B3GALT1: variants seen among roughly 807,000 people sequenced by gnomAD.
The protein encoded by B3GALT1 is UDP-Gal:betaGlcNAc beta 1,3-galactosyltransferase, polypeptide 1.
Under a neutral mutation model 23.2 loss-of-function variants are expected in B3GALT1, and 10 were observed. The observed-to-expected ratio is 0.43, with a 90% CI of 0.27 to 0.73. The LOEUF (loss-of-function observed/expected upper bound fraction) is 0.73, where lower values mean the gene tolerates loss of function less well. Among genes scored for constraint, B3GALT1 ranks in the 30% least tolerant of loss-of-function variants. The pLI, the probability that B3GALT1 is intolerant of heterozygous loss-of-function variation, is 0.21. For synonymous variants in B3GALT1, 156 were observed against 141.5 expected (o/e 1.10, Z -0.73); for missense variants, 299 against 405.4 (o/e 0.74, Z 2.25).
intron 2 of B3GALT1, among the ~76,000 whole-genome samples, chr2:167,523,157 C>T (rs2105362853): frequency 6.6e-6 from 1 of 152,246 alleles, no homozygotes; most frequent in Admixed American, 6.5e-5. Context: ...TTATTTCATT[C>T]ACAATTCCAT....
intron 3 of B3GALT1, among the ~76,000 whole-genome samples, chr2:167,690,787 G>T (rs1353861606): frequency 6.6e-6 from 1 of 152,082 alleles, no homozygotes; most frequent in Admixed American, 6.6e-5. Context: ...GAAAGTCTTT[G>T]ATCTGAAGTA....
intron 3 of B3GALT1, among the ~76,000 whole-genome samples, chr2:167,651,764 A>T (rs1685874480): frequency 6.6e-6 from 1 of 152,176 alleles, no homozygotes. Flanking sequence ...GTTGAACAAC[A>T]GTTGAAGGCT....
intron 3 of B3GALT1, among the ~76,000 whole-genome samples, chr2:167,659,241 T>C (rs1489493439): frequency 6.6e-6 from 1 of 151,850 alleles, no homozygotes; most frequent in Non-Finnish European, 1.5e-5. Context: ...CCATGTGTTT[T>C]TTTTTTGGTG....
intron 3 of B3GALT1, among the ~76,000 whole-genome samples, chr2:167,667,630 C>T (rs1392068089): frequency 6.6e-6 from 1 of 152,206 alleles, no homozygotes; most frequent in Admixed American, 6.5e-5. Flanking sequence ...TCCCATATTT[C>T]TTGGAGGCTT....
intron 2 of B3GALT1, among the ~76,000 whole-genome samples, chr2:167,621,222 G>A (rs948679849): frequency 2.6e-5 from 4 of 150,954 alleles, no homozygotes. Flanking sequence ...TTGAGTAGCT[G>A]GAACTACAGG....
intron 1 of B3GALT1, among the ~76,000 whole-genome samples, chr2:167,392,426 AAT>A (rs1698027628): frequency 6.6e-6 from 1 of 152,128 alleles, no homozygotes. Context: ...AGTATCATAC[AAT>A]ATATATAAAA....
intron 3 of B3GALT1, among the ~76,000 whole-genome samples, chr2:167,774,484 TG>T (rs368255066): frequency 3.3e-4 from 39 of 118,114 alleles, no homozygotes; most frequent in Non-Finnish European, 4.4e-4. Flanking sequence ...TTTTTTTTTT[TG>T]TTTTTTTTTT....
At chr2:167,777,171 G>A (rs11692980) in intron 3 of B3GALT1, among the ~76,000 whole-genome samples, 74,753 of 151,898 alleles carry the variant, frequency 0.49, 19,413 homozygotes, top group African/African-American at 0.66. Context: ...TAGAGTTTGG[G>A]AAAAATAGAG....
intron 2 of B3GALT1, among the ~76,000 whole-genome samples, chr2:167,544,096 C>G (rs1402246735): frequency 2.0e-5 from 3 of 152,128 alleles, no homozygotes; most frequent in Non-Finnish European, 4.4e-5. Flanking sequence ...AAAACCTTCC[C>G]CAGAATACAT....
intron 3 of B3GALT1, among the ~76,000 whole-genome samples, chr2:167,778,366 C>T (rs1403563824): frequency 6.6e-6 from 1 of 152,038 alleles, no homozygotes; most frequent in African/African-American, 2.4e-5. Flanking sequence ...CCACCCTATA[C>T]CTTTTGTCTT....
chr2:167,710,290 G>T (rs945712461), intron 3 of B3GALT1, among the ~76,000 whole-genome samples: 1 of 152,176 alleles, frequency 6.6e-6, no homozygotes, highest in Admixed American at 6.5e-5. Flanking sequence ...AACTTATTGT[G>T]TATGGCTTAT....
intron 2 of B3GALT1, among the ~76,000 whole-genome samples, chr2:167,614,657 G>A (rs140705127): frequency 4.6e-5 from 7 of 152,076 alleles, no homozygotes; most frequent in East Asian, 3.9e-4. Context: ...AGTATGGAAC[G>A]AATAGATATT....
At chr2:167,809,669 C>A (rs1219580717) in intron 3 of B3GALT1, among the ~76,000 whole-genome samples, 4 of 152,186 alleles carry the variant, frequency 2.6e-5, no homozygotes, top group Non-Finnish European at 5.9e-5. Context: ...GAGTACCCAG[C>A]CGTATGAGGT....
At chr2:167,670,927 AT>A (rs921454719) in intron 3 of B3GALT1, among the ~76,000 whole-genome samples, 1 of 152,180 alleles carries the variant, frequency 6.6e-6, no homozygotes, top group Non-Finnish European at 1.5e-5. Context: ...TATACAAATT[AT>A]GGGAGTTCCA....
chr2:167,748,284 T>C (rs922032040), intron 3 of B3GALT1, among the ~76,000 whole-genome samples: 1 of 152,070 alleles, frequency 6.6e-6, no homozygotes, highest in East Asian at 1.9e-4. Context: ...GTTACTTTCA[T>C]GCAGATCACC....
chr2:167,307,527 C>G (rs1271478054), intron 1 of B3GALT1, among the ~76,000 whole-genome samples: 1 of 151,906 alleles, frequency 6.6e-6, no homozygotes, highest in Non-Finnish European at 1.5e-5. Flanking sequence ...TAAGAGTGCA[C>G]TAATAAGTAG....
At chr2:167,324,454 A>G (rs904347389) in intron 1 of B3GALT1, among the ~76,000 whole-genome samples, 1 of 152,024 alleles carries the variant, frequency 6.6e-6, no homozygotes, top group Admixed American at 6.5e-5. Context: ...TCAATTATTT[A>G]TAGATTGTCC....
At chr2:167,299,874 T>A (rs1025725012) in intron 1 of B3GALT1, among the ~76,000 whole-genome samples, 1 of 151,198 alleles carries the variant, frequency 6.6e-6, no homozygotes, top group Non-Finnish European at 1.5e-5. Flanking sequence ...ATAACATATA[T>A]TCTTTTTTTA....
chr2:167,362,751 G>A (rs552542421), intron 1 of B3GALT1, among the ~76,000 whole-genome samples: 2 of 152,060 alleles, frequency 1.3e-5, no homozygotes, highest in Non-Finnish European at 2.9e-5. Context: ...TGAGTAAAAC[G>A]CATGTTGTGT....
Sources: allele counts gnomAD v4.1 joint callset (sites outside exome capture counted in the v4.1 genomes callset), GRCh38; gene constraint gnomAD v4.1.1; transcripts MANE v1.5; gene names NCBI Gene and HGNC (gene_info 2026-07-23, HGNC 2026-07-21).